DOCK9: variants seen among roughly 807,000 people sequenced by gnomAD.
DOCK9 encodes the protein dedicator of cytokinesis 9.
Under a neutral mutation model 263.3 loss-of-function variants are expected in DOCK9, and 89 were observed. The ratio of observed to expected loss-of-function variants is 0.34; its 90% CI spans 0.28 to 0.40. The LOEUF is 0.40. Among genes scored for constraint, DOCK9 ranks in the 10% least tolerant of loss-of-function variants. The pLI, the probability that DOCK9 is intolerant of heterozygous loss-of-function variation, is 1.00. For synonymous variants in DOCK9, 976 were observed against 973.1 expected (o/e 1.00, Z -0.06); for missense variants, 2,140 against 2,603.4 (o/e 0.82, Z 3.87).
At chr13:99,070,389 C>T (rs913265291) in intron 1 of DOCK9, among the ~76,000 whole-genome samples, 5 of 152,120 alleles carry the variant, frequency 3.3e-5, no homozygotes, top group Non-Finnish European at 5.9e-5. Flanking sequence ...CATGTGTTTC[C>T]TTCCAATATT....
At chr13:98,978,935 T>C (rs9517520), upstream of DOCK9, among the ~76,000 whole-genome samples, 22,597 of 152,088 alleles carry the variant, frequency 0.15, 2,430 homozygotes, top group East Asian at 0.44. Flanking sequence ...CATTTAACAG[T>C]GGAGTCTTTT....
At position 98,883,024 on chromosome 13, in the gene DOCK9, A is replaced by G. The variant is rs750650615; in HGVS notation, c.2559+18T>C. ...CCAAACTCACTTAAAAGGGGATACT[A>G]AGAAAGCCATGTGATACCTTAAGGT... On this transcript the variant is annotated intron_variant, in intron 23 of 52. Coordinates refer to ENST00000682017, the MANE Select transcript of DOCK9 (RefSeq NM_001366683.2). 1 of 1,604,702 alleles carries G rather than the reference A, an allele frequency of 6.2e-7. No homozygotes were observed. The highest frequency in any genetic ancestry group is 8.5e-7 in the Non-Finnish European group (1 of 1,175,472).
chr13:98,819,829 T>C (rs2092150151), intron 45 of DOCK9, among the ~76,000 whole-genome samples: 1 of 152,230 alleles, frequency 6.6e-6, no homozygotes, highest in Admixed American at 6.5e-5. Context: ...TCTCCTGGGA[T>C]AGTCTATGGA....
At chr13:98,976,328 G>C (rs1447339250) in intron 1 of DOCK9, among the ~76,000 whole-genome samples, 1 of 152,090 alleles carries the variant, frequency 6.6e-6, no homozygotes, top group African/African-American at 2.4e-5. Context: ...AAATAGCTAG[G>C]ACATAAATGG....
At chr13:98,904,593 C>T (rs1455219151) in intron 10 of DOCK9, 39 bp downstream of exon 10, 3 of 1,416,774 alleles carry the variant, frequency 2.1e-6, no homozygotes, top group Non-Finnish European at 1.9e-6. Context: ...TTCTCTCCCA[C>T]ATTTGGTTTT....
At chr13:99,015,239 G>A (rs1201793362) in intron 1 of DOCK9, among the ~76,000 whole-genome samples, 1 of 152,116 alleles carries the variant, frequency 6.6e-6, no homozygotes, top group East Asian at 1.9e-4. Flanking sequence ...TCCTTTCTCT[G>A]TATGTATTTA....
chr13:98,861,581 T>C (rs778255575), intron 32 of DOCK9, among the ~76,000 whole-genome samples: 1 of 152,216 alleles, frequency 6.6e-6, no homozygotes, highest in Non-Finnish European at 1.5e-5. Context: ...TTATTATAGG[T>C]TAACCTTTAA....
In DOCK9 at chr13:98,955,422, T is replaced by C; in HGVS notation, c.243+13A>G. On this transcript the variant is annotated intron_variant, in intron 2 of 52. Transcript: ENST00000682017. ...ACACGTGGTTCTACGGATAGAAACA[T>C]AACGTTACTTACCTGAAAGTCATCG... is the stretch of plus-strand genomic sequence containing the variant. 6.5e-7 allele frequency: 1 copy of C among 1,544,028 alleles called. No homozygotes were observed. The highest frequency in any genetic ancestry group is 8.8e-7 in the Non-Finnish European group (1 of 1,134,368).
At chr13:98,828,911 T>A (rs1253001526) in intron 43 of DOCK9, among the ~76,000 whole-genome samples, 1 of 152,114 alleles carries the variant, frequency 6.6e-6, no homozygotes, top group African/African-American at 2.4e-5. Context: ...ACCTACTGCA[T>A]CCACAAAAGG....
At chr13:98,841,515 T>C (rs1284520752) in intron 38 of DOCK9, among the ~76,000 whole-genome samples, 1 of 152,084 alleles carries the variant, frequency 6.6e-6, no homozygotes, top group Non-Finnish European at 1.5e-5. Context: ...GTGTAAGATA[T>C]ACCCAACTTT....
At chr13:99,047,477 A>G (rs891497605) in intron 1 of DOCK9, among the ~76,000 whole-genome samples, 1 of 151,264 alleles carries the variant, frequency 6.6e-6, no homozygotes, top group Non-Finnish European at 1.5e-5. Context: ...TCTGAAAATA[A>G]TGAAAGTCAA....
chr13:99,006,102 A>G (rs185584834), intron 1 of DOCK9, among the ~76,000 whole-genome samples: 15 of 152,370 alleles, frequency 9.8e-5, no homozygotes, highest in Non-Finnish European at 1.0e-4. Context: ...AGTACCATAA[A>G]GAAATTAAAC....
intron 1 of DOCK9, chr13:99,015,565 G>T: frequency 6.3e-7 from 1 of 1,598,104 alleles, no homozygotes; most frequent in Non-Finnish European, 8.5e-7. Context: ...TTCAAAAACG[G>T]TGCGGATGCC....
At chr13:98,806,196 C>G (rs1483585883) in intron 48 of DOCK9, among the ~76,000 whole-genome samples, 1 of 152,190 alleles carries the variant, frequency 6.6e-6, no homozygotes, top group Non-Finnish European at 1.5e-5. Context: ...GATGCAACAG[C>G]TGCAGATCAA....
intron 1 of DOCK9, among the ~76,000 whole-genome samples, chr13:98,990,591 G>A (rs112271836): frequency 2.3e-3 from 349 of 152,306 alleles, no homozygotes; most frequent in African/African-American, 7.6e-3. Flanking sequence ...GACTTAAGGC[G>A]ACCACAAGTG....
intron 45 of DOCK9, among the ~76,000 whole-genome samples, chr13:98,813,911 G>A (rs2091561219): frequency 6.6e-6 from 1 of 152,202 alleles, no homozygotes; most frequent in African/African-American, 2.4e-5. Flanking sequence ...AAAGTGCTGA[G>A]ATTACAGGCA....
intron 1 of DOCK9, among the ~76,000 whole-genome samples, chr13:99,036,930 A>G (rs1286862388): frequency 6.6e-6 from 1 of 152,200 alleles, no homozygotes; most frequent in Non-Finnish European, 1.5e-5. Context: ...TTCAGCAAAT[A>G]TTTGGACCTA....
chr13:98,930,238 T>G lies in DOCK9; in HGVS notation c.263A>C (p.Gln88Pro), dbSNP rs1340273214. The change falls in exon 3 of 53, where the codon CAG (glutamine) becomes CCG (proline). Residue 88 changes from glutamine (Q) to proline (P), a missense_variant. This residue lies in a region of DOCK9 where 1,521 missense variants were observed against 1,741.7 expected (regional missense o/e 0.87). Transcript: ENST00000682017. ...DDFQTAILRRQGRYICSTVPA... is the reference protein window; with the variant it reads ...DDFQTAILRRPGRYICSTVPA... Reference sequence around the variant, plus strand: ...CACTGTTGAGCATATGTATCGACCCTGTCGTCTCAGGATGGCCGTCTGGAA... The same window carrying G: ...CACTGTTGAGCATATGTATCGACCCGGTCGTCTCAGGATGGCCGTCTGGAA... 1.2e-6 allele frequency: 2 copies of G among 1,610,970 alleles called. No individual in the cohort carries two copies. Among genetic ancestry groups the G allele is most frequent in the Admixed American group, 3.4e-5 (2 of 59,668 alleles).
At chr13:98,933,576 C>G (rs181197299) in intron 2 of DOCK9, among the ~76,000 whole-genome samples, 28 of 152,358 alleles carry the variant, frequency 1.8e-4, no homozygotes, top group African/African-American at 6.3e-4. Flanking sequence ...TCTGACCAGA[C>G]AGAGCCCTTT....
Sources: allele counts gnomAD v4.1 joint callset (sites outside exome capture counted in the v4.1 genomes callset), GRCh38; gene constraint gnomAD v4.1.1; regional missense constraint gnomAD v4.1.1; transcripts MANE v1.5; gene names NCBI Gene and HGNC (gene_info 2026-07-23, HGNC 2026-07-21).